BRINP3: variants seen among roughly 807,000 people sequenced by gnomAD.
BRINP3 encodes BMP/retinoic acid-inducible neural-specific protein 3.
A neutral mutation model predicts 71.0 loss-of-function variants in BRINP3; 19 were observed. That is an observed-to-expected ratio of 0.27 (90% CI 0.19 to 0.39). The LOEUF is 0.39. BRINP3 is among the 10% of genes least tolerant of loss of function. The probability of loss-of-function intolerance (pLI) is 1.00; values close to 1 mark genes in which losing one functional copy is unlikely to be tolerated. For missense variants in BRINP3, 959 were observed against 940.8 expected (o/e 1.02, Z -0.25); for synonymous variants, 380 against 337.7 (o/e 1.13, Z -1.37).
chr1:190,350,267 G>A (rs1041588212), intron 2 of BRINP3, among the ~76,000 whole-genome samples: 11 of 152,072 alleles, frequency 7.2e-5, no homozygotes, highest in African/African-American at 2.7e-4. Flanking sequence ...ATGTTCTGGA[G>A]GTAACAGGTC....
At chr1:190,198,744 C>A (rs1239840547) in intron 6 of BRINP3, among the ~76,000 whole-genome samples, 2 of 152,168 alleles carry the variant, frequency 1.3e-5, no homozygotes, top group African/African-American at 2.4e-5. Context: ...TTGTTCATAT[C>A]ACTATCAACA....
chr1:190,395,340 A>C (rs897581981), intron 2 of BRINP3, among the ~76,000 whole-genome samples: 1 of 151,744 alleles, frequency 6.6e-6, no homozygotes, highest in African/African-American at 2.4e-5. Context: ...CAAAACCTCC[A>C]TAAGTACAGC....
chr1:190,418,530 C>T (rs1196626144), intron 2 of BRINP3, among the ~76,000 whole-genome samples: 2 of 152,110 alleles, frequency 1.3e-5, no homozygotes, highest in African/African-American at 4.8e-5. Flanking sequence ...TATCTGAACA[C>T]ATCGTAGATA....
At chr1:190,234,618 T>C (rs935047293) in intron 4 of BRINP3, 141 bp from the exon 5 acceptor site, 2 of 529,884 alleles carry the variant, frequency 3.8e-6, no homozygotes, top group South Asian at 3.3e-5. Flanking sequence ...ACACCAGCAA[T>C]ACACCCACCT....
chr1:190,350,500 T>C (rs890423403), intron 2 of BRINP3, among the ~76,000 whole-genome samples: 1 of 152,032 alleles, frequency 6.6e-6, no homozygotes, highest in Admixed American at 6.6e-5. Context: ...AATACTAAAA[T>C]GCTAAACTCA....
chr1:190,263,835 G>A (rs888483990), intron 4 of BRINP3, among the ~76,000 whole-genome samples: 9 of 151,954 alleles, frequency 5.9e-5, no homozygotes, highest in Non-Finnish European at 1.3e-4. Flanking sequence ...TGATCCCCCC[G>A]CCTCGGCCTC....
intron 3 of BRINP3, among the ~76,000 whole-genome samples, chr1:190,268,831 G>A (rs1229616269): frequency 6.6e-6 from 1 of 152,048 alleles, no homozygotes; most frequent in Non-Finnish European, 1.5e-5. Context: ...AAACATACAT[G>A]AAAAGATTTG....
intron 6 of BRINP3, among the ~76,000 whole-genome samples, chr1:190,218,099 C>A (rs567642701): frequency 1.3e-5 from 2 of 151,552 alleles, no homozygotes; most frequent in African/African-American, 4.8e-5. Flanking sequence ...GTGTATAACT[C>A]AGAATTTTCA....
chr1:190,204,912 C>T (rs1436885005), intron 6 of BRINP3, among the ~76,000 whole-genome samples: 7 of 151,322 alleles, frequency 4.6e-5, no homozygotes, highest in Non-Finnish European at 8.8e-5. Context: ...TTGGTTCCTT[C>T]TTTGTTATGC....
At chr1:190,389,095 T>G (rs1671087394) in intron 2 of BRINP3, among the ~76,000 whole-genome samples, 1 of 151,694 alleles carries the variant, frequency 6.6e-6, no homozygotes, top group Admixed American at 6.6e-5. Flanking sequence ...AAAGCATTAT[T>G]TACCAGGACA....
intron 7 of BRINP3, among the ~76,000 whole-genome samples, chr1:190,113,486 C>A (rs1360415301): frequency 2.0e-5 from 3 of 152,076 alleles, no homozygotes; most frequent in African/African-American, 7.2e-5. Context: ...GAACATAATC[C>A]CAATCTTTCA....
At chr1:190,440,037 T>A (rs781111185) in intron 2 of BRINP3, among the ~76,000 whole-genome samples, 5 of 151,946 alleles carry the variant, frequency 3.3e-5, no homozygotes, top group African/African-American at 4.8e-5. Flanking sequence ...AAAATCAGAT[T>A]TTTAGAAAGG....
At chr1:190,470,450 C>T (rs542678321) in intron 1 of BRINP3, among the ~76,000 whole-genome samples, 3 of 150,900 alleles carry the variant, frequency 2.0e-5, no homozygotes, top group Non-Finnish European at 3.0e-5. Flanking sequence ...ACTTTATTAG[C>T]TATTAAAAGG....
At chr1:190,231,179 CTT>C (rs1185492723) in intron 5 of BRINP3, among the ~76,000 whole-genome samples, 2 of 151,554 alleles carry the variant, frequency 1.3e-5, no homozygotes, top group Non-Finnish European at 3.0e-5. Flanking sequence ...CTTAATAGGA[CTT>C]TTTTTGTCTA....
At chr1:190,361,415 T>C (rs1669139469) in intron 2 of BRINP3, among the ~76,000 whole-genome samples, 1 of 152,088 alleles carries the variant, frequency 6.6e-6, no homozygotes, top group Non-Finnish European at 1.5e-5. Flanking sequence ...TTTTTGTTTT[T>C]TTGTTTTTGA....
intron 5 of BRINP3, among the ~76,000 whole-genome samples, chr1:190,229,379 T>C (rs1165432968): frequency 6.6e-6 from 1 of 152,020 alleles, no homozygotes; most frequent in East Asian, 1.9e-4. Flanking sequence ...TGCTCCTCCT[T>C]GCCTCTGTCA....
intron 2 of BRINP3, among the ~76,000 whole-genome samples, chr1:190,327,326 C>CAAAAAAAAAAAAAAAAAA (rs1227478693): frequency 9.5e-4 from 42 of 44,214 alleles, no homozygotes; most frequent in East Asian, 1.9e-3. Context: ...AAAAAAAGAA[C>CAAAAAAAAAAAAAAAAAA]AAAAAAAAAA....
At chr1:190,432,725 T>G (rs554454305) in intron 2 of BRINP3, among the ~76,000 whole-genome samples, 5 of 152,320 alleles carry the variant, frequency 3.3e-5, no homozygotes, top group Admixed American at 3.3e-4. Flanking sequence ...AGCTGAATAC[T>G]AATTTAATCC....
chr1:190,147,964 G>C (rs1018191216), intron 7 of BRINP3, among the ~76,000 whole-genome samples: 5 of 152,154 alleles, frequency 3.3e-5, no homozygotes, highest in African/African-American at 1.2e-4. Context: ...TGTAAGATGA[G>C]CACGCTATTG....
Sources: allele counts gnomAD v4.1 joint callset (sites outside exome capture counted in the v4.1 genomes callset), GRCh38; gene constraint gnomAD v4.1.1; transcripts MANE v1.5; gene names NCBI Gene and HGNC (gene_info 2026-07-23, HGNC 2026-07-21).